Variants in PCED1B observed in about 807,000 individuals in gnomAD.
The protein encoded by PCED1B is PC-esterase domain-containing protein 1B.
For synonymous variants in PCED1B, 251 were observed against 246.1 expected, an observed-to-expected ratio of 1.02 and a Z score of -0.19; for missense variants, 573 against 573.9, an observed-to-expected ratio of 1.00 and a Z score of 0.02.
chr12:47,196,536 T>C (rs1942607011), intron 2 of PCED1B, among the ~76,000 whole-genome samples: 1 of 152,120 alleles, frequency 6.6e-6, no homozygotes, highest in African/African-American at 2.4e-5. Flanking sequence ...TCATCTAAAG[T>C]TTATATATGG....
chr12:47,149,351 C>T (rs1184126066), intron 2 of PCED1B, among the ~76,000 whole-genome samples: 1 of 152,200 alleles, frequency 6.6e-6, no homozygotes, highest in Non-Finnish European at 1.5e-5. Context: ...TGGCTCCATT[C>T]TCTCTCCCTT....
At chr12:47,218,732 C>T (rs1943381637) in intron 3 of PCED1B, among the ~76,000 whole-genome samples, 1 of 149,174 alleles carries the variant, frequency 6.7e-6, no homozygotes, top group Non-Finnish European at 1.5e-5. Context: ...GCTTGAACTC[C>T]TGGTCTCAAG....
intron 2 of PCED1B, among the ~76,000 whole-genome samples, chr12:47,211,683 C>A (rs1565603942): frequency 7.5e-6 from 1 of 133,606 alleles, no homozygotes; most frequent in Non-Finnish European, 1.6e-5. Context: ...AAAAACTGGG[C>A]GCAGTGGCTC....
At chr12:47,094,356 T>C (rs916564356) in intron 1 of PCED1B, among the ~76,000 whole-genome samples, 1 of 152,188 alleles carries the variant, frequency 6.6e-6, no homozygotes, top group Non-Finnish European at 1.5e-5. Context: ...TTGTTTTTTA[T>C]CTAATCTGAC....
At chr12:47,204,041 G>C (rs1294301749) in intron 2 of PCED1B, among the ~76,000 whole-genome samples, 1 of 152,158 alleles carries the variant, frequency 6.6e-6, no homozygotes, top group Middle Eastern at 3.4e-3. Context: ...CGCCTCCCAG[G>C]CTCAAACGAT....
intron 2 of PCED1B, among the ~76,000 whole-genome samples, chr12:47,199,664 A>C (rs899507571): frequency 6.6e-6 from 1 of 152,226 alleles, no homozygotes; most frequent in African/African-American, 2.4e-5. Context: ...GGACATCCAC[A>C]TGCAAAATAA....
At chr12:47,204,049 G>A (rs193212204) in intron 2 of PCED1B, among the ~76,000 whole-genome samples, 194 of 152,140 alleles carry the variant, frequency 1.3e-3, no homozygotes, top group African/African-American at 3.6e-3. Context: ...AGGCTCAAAC[G>A]ATCCTCTACC....
At chr12:47,092,801 G>A (rs1938323127) in intron 1 of PCED1B, among the ~76,000 whole-genome samples, 2 of 151,258 alleles carry the variant, frequency 1.3e-5, no homozygotes, top group South Asian at 4.2e-4. Flanking sequence ...TTAATGTGGT[G>A]AATTATGTTT....
chr12:47,192,173 G>T (rs73110231), intron 2 of PCED1B, among the ~76,000 whole-genome samples: 9,569 of 123,536 alleles, frequency 0.077, 403 homozygotes, highest in African/African-American at 0.15. Context: ...TTTTTTTTTT[G>T]TTTTTTTTTT....
In PCED1B at chr12:47,134,830, T is replaced by C. The variant is rs529121267; in HGVS notation, c.-526+30635T>C. On this transcript the variant is annotated intron_variant, in intron 2 of 3. Transcript: ENST00000546455. ...TTGCAGTGAGCTGAGATTGTGCCAC[T>C]GCACTACAGCCTGGTGACAGAGTGA... Among the ~76,000 whole-genome samples the C allele has an allele frequency of 2.0e-5, 3 of 152,354 alleles. No individual in the cohort carries two copies. In the East Asian group the frequency reaches 5.8e-4, roughly 29 times the overall value.
At chr12:47,107,878 A>G (rs1939025759) in intron 2 of PCED1B, among the ~76,000 whole-genome samples, 2 of 152,216 alleles carry the variant, frequency 1.3e-5, no homozygotes, top group African/African-American at 4.8e-5. Context: ...CTAAACCAGA[A>G]AAATGAGGAT....
At chr12:47,219,636 GACTAGCTA>G (rs1195984588) in intron 3 of PCED1B, among the ~76,000 whole-genome samples, 1 of 152,178 alleles carries the variant, frequency 6.6e-6, no homozygotes, top group Non-Finnish European at 1.5e-5. Flanking sequence ...CTTTTAAGAA[GACTAGCTA>G]ACAGAGTGAT....
intron 2 of PCED1B, among the ~76,000 whole-genome samples, chr12:47,179,503 C>T (rs1942029218): frequency 6.6e-6 from 1 of 152,166 alleles, no homozygotes; most frequent in African/African-American, 2.4e-5. Flanking sequence ...TCCAGTTAAT[C>T]AACTTTCCTT....
intron 3 of PCED1B, among the ~76,000 whole-genome samples, chr12:47,218,674 T>C (rs565267840): frequency 2.7e-5 from 4 of 150,482 alleles, no homozygotes; most frequent in African/African-American, 7.3e-5. Context: ...TTTTTCTTTT[T>C]TTTTTTTTTT....
At chr12:47,211,498 A>G (rs1162074040) in intron 2 of PCED1B, among the ~76,000 whole-genome samples, 4 of 151,076 alleles carry the variant, frequency 2.6e-5, no homozygotes, top group Non-Finnish European at 5.9e-5. Context: ...CTTTAAAAAA[A>G]AAAAAAGGAG....
chr12:47,179,798 CAG>C (rs143890152), intron 2 of PCED1B, among the ~76,000 whole-genome samples: 218 of 152,220 alleles, frequency 1.4e-3, no homozygotes, highest in African/African-American at 5.0e-3. Flanking sequence ...AGAGGCAAAA[CAG>C]ACCATAATCT....
At chr12:47,159,550 A>T (rs1203467595) in intron 2 of PCED1B, among the ~76,000 whole-genome samples, 1 of 151,356 alleles carries the variant, frequency 6.6e-6, no homozygotes, top group Non-Finnish European at 1.5e-5. Flanking sequence ...AGAAATGTCT[A>T]TTCATGGTTT....
intron 2 of PCED1B, among the ~76,000 whole-genome samples, chr12:47,161,906 A>T (rs1941392408): frequency 6.6e-6 from 1 of 152,248 alleles, no homozygotes; most frequent in Non-Finnish European, 1.5e-5. Flanking sequence ...AATGTGGCAC[A>T]TATACACTAT....
chr12:47,123,751 G>A (rs1033589753), intron 2 of PCED1B, among the ~76,000 whole-genome samples: 4 of 151,876 alleles, frequency 2.6e-5, no homozygotes, highest in African/African-American at 4.8e-5. Context: ...TTCTCTTTTT[G>A]TATCTATTAT....
Sources: allele counts gnomAD v4.1 joint callset (sites outside exome capture counted in the v4.1 genomes callset), GRCh38; gene constraint gnomAD v4.1.1; transcripts MANE v1.5; gene names NCBI Gene and HGNC (gene_info 2026-07-23, HGNC 2026-07-21).